The following SYTL1 variants were observed in gnomAD, a reference collection of about 807,000 sequenced individuals.
The protein encoded by SYTL1 is synaptotagmin-like protein 1.
A neutral mutation model predicts 74.6 loss-of-function variants in SYTL1; 53 were observed. That is an observed-to-expected ratio of 0.71 (90% CI 0.57 to 0.89). The LOEUF is 0.89. Among genes scored for constraint, SYTL1 ranks in the 40% least tolerant of loss-of-function variants. SYTL1 has a pLI of 0.00. For synonymous variants in SYTL1, 329 were observed against 324.9 expected, an observed-to-expected ratio of 1.01 and a Z score of -0.14; for missense variants, 728 against 768.7, an observed-to-expected ratio of 0.95 and a Z score of 0.63.
chr1:27,347,369 G>A lies in SYTL1; in HGVS notation c.192-52G>A, dbSNP rs185694787. 5.2e-4 allele frequency: 840 copies of A among 1,612,494 alleles called. No individual in the cohort carries two copies. Among genetic ancestry groups the A allele is most frequent in the Middle Eastern group, 9.9e-4 (6 of 6,050 alleles). ...CAAGCCTGTTAACAATGTAGGTGGC[G>A]GGAATGTTGCTTGGGTGAGTCATGA... On this transcript the variant is annotated intron_variant, in intron 2 of 14. Transcript: ENST00000616558. The surrounding 1 kb of genome is among the most constrained non-coding windows in gnomAD (Gnocchi z 4.9).
At chr1:27,353,252 G>A in intron 13 of SYTL1, 31 bp from the exon 14 acceptor site, 2 of 1,558,998 alleles carry the variant, frequency 1.3e-6, no homozygotes, top group Non-Finnish European at 1.7e-6. Context: ...TGTGAGGGGG[G>A]TCACCTGATG....
chr1:27,349,940 C>A (rs757714393), intron 8 of SYTL1, 32 bp from the exon 9 acceptor site: 2 of 1,564,690 alleles, frequency 1.3e-6, no homozygotes, highest in Middle Eastern at 3.5e-4. Flanking sequence ...GCCCTGCGAG[C>A]GGCCCTGACT....
chr1:27,349,890 C>G, intron 8 of SYTL1, 82 bp from the exon 9 acceptor site: 1 of 1,539,570 alleles, frequency 6.5e-7, no homozygotes, highest in Non-Finnish European at 8.7e-7. Flanking sequence ...ACCTATGACC[C>G]GGGTCTGAAG....
chr1:27,349,182 G>A (rs777073042), intron 6 of SYTL1, 30 bp downstream of exon 6: 32 of 1,607,480 alleles, frequency 2.0e-5, no homozygotes, highest in Middle Eastern at 1.7e-4. Flanking sequence ...GGGGAGCACG[G>A]AGAGGTTTCG....
rs1033462475 is a variant in SYTL1 at position 27,348,490 on chromosome 1, C to G, written c.459+478C>G. 4.6e-5 allele frequency among the ~76,000 whole-genome samples: 7 copies of G among 152,054 alleles called. No homozygotes were observed. Among genetic ancestry groups the G allele is most frequent in the Non-Finnish European group, 8.8e-5 (6 of 67,996 alleles). On this transcript the variant is annotated intron_variant, in intron 5 of 14. Coordinates refer to ENST00000616558, the MANE Select transcript of SYTL1 (RefSeq NM_001193308.2). The surrounding 1 kb of genome is among the most constrained non-coding windows in gnomAD (Gnocchi z 4.1). ...CAGCACTTTGGGAAGCCGAGATCAC[C>G]TGAGGTCAGGAGCTCAAGACCAGCC...
At position 27,350,761 on chromosome 1, in the gene SYTL1, A is replaced by T. The variant is rs1374108040; in HGVS notation, c.1006-33A>T. 5 of 1,607,572 alleles carry T rather than the reference A, an allele frequency of 3.1e-6. No individual in the cohort carries two copies. Among genetic ancestry groups the T allele is most frequent in the African/African-American group, 1.3e-5 (1 of 74,810 alleles). ...CGCAGCATCTACGCGGGCCACCAGC[A>T]GTGCTCCACTAAAGCTCACCTCCTG... On this transcript the variant is annotated intron_variant, in intron 10 of 14. Transcript: ENST00000616558. The surrounding 1 kb of genome is among the most constrained non-coding windows in gnomAD (Gnocchi z 6.3).
intron 13 of SYTL1, chr1:27,353,047 A>G (rs2015341343): frequency 1.9e-6 from 1 of 535,440 alleles, no homozygotes; most frequent in Non-Finnish European, 3.4e-6. Flanking sequence ...CGGCCTCCCA[A>G]AGTGCTGGGA....
At chr1:27,352,328 C>G (rs1465925840) in intron 13 of SYTL1, 1 of 151,608 alleles carries the variant, frequency 6.6e-6, no homozygotes, top group Non-Finnish European at 1.5e-5. Flanking sequence ...CAGAGCGAGA[C>G]TCGATCTCAA....
chr1:27,353,841 C>A lies in SYTL1; in HGVS notation c.1678C>A (p.Pro560Thr), dbSNP rs373986187. 2.4e-5 allele frequency: 39 copies of A among 1,613,552 alleles called. No individual in the cohort carries two copies. The highest frequency in any genetic ancestry group is 3.0e-5 in the Non-Finnish European group (35 of 1,179,696). Residue 560 changes from proline (P) to threonine (T), a missense_variant, in exon 15 of 15, where the codon CCC becomes ACC. Transcript: ENST00000616558. ...GLLPLRTNLAPRT is the reference protein window; with the variant it reads ...GLLPLRTNLATRT ...TCTACCCCTCAGAACCAACCTGGCC[C>A]CCAGGACGTAGCCCCACCAAGCCTC...
chr1:27,346,947 G>A (rs966310248), intron 2 of SYTL1, among the ~76,000 whole-genome samples: 20 of 151,238 alleles, frequency 1.3e-4, no homozygotes, highest in African/African-American at 4.1e-4. Context: ...GAAAAGCCCC[G>A]TCTCTACAAA....
chr1:27,353,201 A>G (rs11247639), intron 13 of SYTL1, 82 bp from the exon 14 acceptor site: 908,232 of 1,385,740 alleles, frequency 0.66, 307,409 homozygotes, highest in South Asian at 0.7. Flanking sequence ...CATATGTGAG[A>G]GAGAATGAGT....
At chr1:27,349,863 C>T (rs1327311558) in intron 8 of SYTL1, 98 bp downstream of exon 8, 1 of 1,534,076 alleles carries the variant, frequency 6.5e-7, no homozygotes, top group South Asian at 1.2e-5. Context: ...CCCACCGCTG[C>T]AGCCCCCCAG....
Position 27,347,393 on chromosome 1 carries a change from G to C in SYTL1, c.192-28G>C, listed in dbSNP as rs771523443. Reference sequence around the variant, plus strand: ...CGGGAATGTTGCTTGGGTGAGTCATGACAGCCACACCCTCCCCCTTCCTCC... The same window carrying C: ...CGGGAATGTTGCTTGGGTGAGTCATCACAGCCACACCCTCCCCCTTCCTCC... On this transcript the variant is annotated intron_variant, in intron 2 of 14. Coordinates refer to ENST00000616558, the MANE Select transcript of SYTL1 (RefSeq NM_001193308.2). This position sits in a 1 kb window ranked among gnomAD's most constrained non-coding sequence, Gnocchi z 4.9. 4.3e-5 allele frequency: 69 copies of C among 1,613,662 alleles called. No individual in the cohort carries two copies. Among genetic ancestry groups the C allele is most frequent in the Non-Finnish European group, 5.8e-5 (69 of 1,179,948 alleles).
Position 27,351,077 on chromosome 1 carries a change from AT to A in SYTL1, c.1164+126del. On this transcript the variant is annotated intron_variant, in intron 11 of 14. Transcript: ENST00000616558. This position sits in a 1 kb window ranked among gnomAD's most constrained non-coding sequence, Gnocchi z 5.0. ...AACCTCCCCTCAACCTCTTAACCTC[AT>A]GGCCCCAGGCGAAGCCCGGCCGGCC... 1 of 1,312,016 alleles carries A rather than the reference AT, an allele frequency of 7.6e-7. No homozygotes were observed. The highest frequency in any genetic ancestry group is 2.5e-5 in the East Asian group (1 of 39,522). The allele number at this position is 1,312,016 out of a possible 1,614,324, so 81.3% of individuals were successfully genotyped here. A position where few individuals can be genotyped will look rare whatever the true frequency, so the allele number is the denominator to read the frequency against.
Position 27,351,634 on chromosome 1 carries a change from C to T in SYTL1, c.1343+79C>T. On this transcript the variant is annotated intron_variant, in intron 13 of 14. Coordinates refer to ENST00000616558, the MANE Select transcript of SYTL1 (RefSeq NM_001193308.2). The surrounding 1 kb of genome is among the most constrained non-coding windows in gnomAD (Gnocchi z 5.0). ...CCAACCTCCACAAACCCTTACTAAT[C>T]AACCTTTGATCACGCAGCCTGGGCT... 2.1e-6 allele frequency: 2 copies of T among 950,064 alleles called. No homozygotes were observed. The highest frequency in any genetic ancestry group is 3.1e-6 in the Non-Finnish European group (2 of 644,944). The allele number at this position is 950,064 out of a possible 1,614,324, so 58.9% of individuals were successfully genotyped here. A position where few individuals can be genotyped will look rare whatever the true frequency, so the allele number is the denominator to read the frequency against.
chr1:27,347,855 G>A lies in SYTL1; in HGVS notation c.388G>A (p.Glu130Lys). 6.2e-7 allele frequency: 1 copy of A among 1,614,112 alleles called. No homozygotes were observed. Among genetic ancestry groups the A allele is most frequent in the Admixed American group, 1.7e-5 (1 of 60,032 alleles). The change falls in exon 4 of 15, where the codon GAG becomes AAG. Residue 130 changes from glutamate to lysine, a missense_variant. By Grantham distance (56) the Glu-to-Lys change is moderately conservative. Transcript: ENST00000616558. The surrounding 1 kb of genome is among the most constrained non-coding windows in gnomAD (Gnocchi z 4.9). ...CAGGGAGGCTGAGGCTGCTGTGAAA[G>A]AGAAGGAAGAGGGGCCAGAGCCCAG... ...HDREAEAAVK[E>K]KEEGPEPRLT...
chr1:27,347,835 A>T lies in SYTL1; in HGVS notation c.368A>T (p.Glu123Val), dbSNP rs763953729. ...RGDQAPGHDR[E>V]AEAAVKEKEE... ...GACCAGGCTCCAGGCCACGACAGGG[A>T]GGCTGAGGCTGCTGTGAAAGAGAAG... Residue 123 changes from glutamate to valine, a missense_variant, in exon 4 of 15, where the codon GAG (glutamate) becomes GTG (valine). By Grantham distance (121) the Glu-to-Val change is moderately radical. Transcript: ENST00000616558. The surrounding 1 kb of genome is among the most constrained non-coding windows in gnomAD (Gnocchi z 4.9). 69 of 1,613,794 alleles carry T rather than the reference A, an allele frequency of 4.3e-5. No homozygotes were observed. Among genetic ancestry groups the T allele is most frequent in the Non-Finnish European group, 5.5e-5 (65 of 1,179,918 alleles).
chr1:27,348,149 C>G lies in SYTL1; in HGVS notation c.459+137C>G. The G allele has an allele frequency of 1.2e-6, 1 of 818,822 alleles. No individual in the cohort carries two copies. The highest frequency in any genetic ancestry group is 2.0e-6 in the Non-Finnish European group (1 of 489,366). 50.7% of individuals were successfully genotyped at this position (818,822 alleles called of 1,614,324 possible). A position where few individuals can be genotyped will look rare whatever the true frequency, so the allele number is the denominator to read the frequency against. ...TCCTTCCTGTGTCTGCACCTCATCA[C>G]CTCCTGGGTGGAACAGTGGTGAACG... On this transcript the variant is annotated intron_variant, in intron 5 of 14. Coordinates refer to ENST00000616558, the MANE Select transcript of SYTL1 (RefSeq NM_001193308.2). The surrounding 1 kb of genome is among the most constrained non-coding windows in gnomAD (Gnocchi z 4.1).
chr1:27,349,522 G>A, intron 7 of SYTL1, 24 bp downstream of exon 7: 2 of 1,458,860 alleles, frequency 1.4e-6, no homozygotes, highest in South Asian at 1.4e-5. Context: ...GCCCGTGGCT[G>A]CTCTCAACAT....
Sources: allele counts gnomAD v4.1 joint callset (sites outside exome capture counted in the v4.1 genomes callset), GRCh38; gene constraint gnomAD v4.1.1; non-coding constraint Gnocchi (gnomAD v3.1); transcripts MANE v1.5; gene names NCBI Gene and HGNC (gene_info 2026-07-23, HGNC 2026-07-21).